Variants in MCTP1 observed in about 807,000 individuals in gnomAD.
The protein encoded by MCTP1 is multiple C2 and transmembrane domain-containing protein 1.
A neutral mutation model predicts 120.6 loss-of-function variants in MCTP1; 69 were observed. That is an observed-to-expected ratio of 0.57 (90% CI 0.47 to 0.70). The LOEUF (loss-of-function observed/expected upper bound fraction) is 0.70. MCTP1 is among the 30% of genes least tolerant of loss of function. The probability of loss-of-function intolerance (pLI) is 0.00; values close to 1 mark genes in which losing one functional copy is unlikely to be tolerated. For missense variants in MCTP1, 1,203 were observed against 1,248.8 expected (o/e 0.96, Z 0.55); for synonymous variants, 529 against 493.1 (o/e 1.07, Z -0.96).
At chr5:94,971,720 G>A (rs1561948392) in intron 2 of MCTP1, among the ~76,000 whole-genome samples, 1 of 152,148 alleles carries the variant, frequency 6.6e-6, no homozygotes, top group South Asian at 2.1e-4. Flanking sequence ...GGTCGAAGGA[G>A]ACTTGAGTTC....
Position 94,945,093 on chromosome 5 carries a change from A to G in MCTP1, c.982-2666T>C, listed in dbSNP as rs113370000. Among the ~76,000 whole-genome samples the G allele has an allele frequency of 1.7e-4, 26 of 152,288 alleles. 3 individuals carry two copies. Among genetic ancestry groups the G allele is most frequent in the African/African-American group, 6.0e-4 (25 of 41,572 alleles). On this transcript the variant is annotated intron_variant, in intron 3 of 22. Transcript: ENST00000515393. Reference sequence around the variant, plus strand: ...TTCAAATCTTGTTGTATTGAGTGTCATAAACAGAGTGTGTTTAAATTTCAC... The same window carrying G: ...TTCAAATCTTGTTGTATTGAGTGTCGTAAACAGAGTGTGTTTAAATTTCAC...
At chr5:94,716,754 G>T (rs1212901736) in intron 19 of MCTP1, among the ~76,000 whole-genome samples, 7 of 145,408 alleles carry the variant, frequency 4.8e-5, no homozygotes, top group East Asian at 4.0e-4. Context: ...TATATAAAAA[G>T]TTTTTTTTTT....
In MCTP1 at chr5:94,894,685, C is replaced by T. The variant is rs1803481831; in HGVS notation, c.1803G>A (p.Glu601=). The T allele has an allele frequency of 6.2e-7, 1 of 1,611,886 alleles. No individual in the cohort carries two copies. Among genetic ancestry groups the T allele is most frequent in the Non-Finnish European group, 8.5e-7 (1 of 1,178,268 alleles). ...ATATCTCCTCTCGTTCCTTCTGGTC[C>T]TCCAGGGAGTTGACAGACAGGTCAG... ...SISDLSVNSL[E]DQKEREEILK... Residue 601 remains glutamate, a synonymous_variant, in exon 11 of 23, where the codon GAG becomes GAA. Transcript: ENST00000515393.
intron 12 of MCTP1, among the ~76,000 whole-genome samples, chr5:94,888,559 C>G (rs578231144): frequency 2.6e-5 from 4 of 152,296 alleles, no homozygotes; most frequent in Non-Finnish European, 5.9e-5. Flanking sequence ...GAAGCTGATT[C>G]TGTAAAGCAT....
chr5:94,969,135 C>T (rs1433872286), intron 2 of MCTP1, among the ~76,000 whole-genome samples: 7 of 152,012 alleles, frequency 4.6e-5, no homozygotes, highest in East Asian at 1.9e-4. Context: ...AGGAATTGGA[C>T]GGTTTCTATA....
rs1283253904 is a variant in MCTP1 at position 94,704,994 on chromosome 5, G to A, written c.*2502C>T. 1.3e-5 allele frequency: 2 copies of A among 151,074 alleles called. No individual in the cohort carries two copies. The highest frequency in any genetic ancestry group is 1.3e-4 in the Admixed American group (2 of 15,080). The allele number at this position is 151,074 out of a possible 1,614,324, so 9.4% of individuals were successfully genotyped here. ...CGCATTTCTTATGAATTATCACAAC[G>A]AATGTCAGTAATAGTTTATGAATAT... On this transcript the variant is annotated 3_prime_UTR_variant, in exon 23 of 23. Transcript: ENST00000515393.
At chr5:94,739,780 T>A (rs1765103485) in intron 19 of MCTP1, among the ~76,000 whole-genome samples, 1 of 152,198 alleles carries the variant, frequency 6.6e-6, no homozygotes, top group Non-Finnish European at 1.5e-5. Context: ...TTTTCCTGCC[T>A]CACCACTCTC....
intron 1 of MCTP1, among the ~76,000 whole-genome samples, chr5:95,211,583 C>A (rs955167261): frequency 6.6e-6 from 1 of 152,094 alleles, no homozygotes; most frequent in Non-Finnish European, 1.5e-5. Context: ...CGTCTAAATT[C>A]TTTTCAAAGT....
intron 1 of MCTP1, among the ~76,000 whole-genome samples, chr5:95,156,151 G>A (rs1450706918): frequency 1.3e-5 from 2 of 152,168 alleles, no homozygotes; most frequent in African/African-American, 4.8e-5. Context: ...CTACAGTGTG[G>A]TGGACACTTT....
chr5:94,790,801 G>C (rs1190355657), intron 18 of MCTP1, among the ~76,000 whole-genome samples: 1 of 152,090 alleles, frequency 6.6e-6, no homozygotes, highest in Non-Finnish European at 1.5e-5. Context: ...TGGTTACCCA[G>C]GCACAGCTGT....
Position 95,234,859 on chromosome 5 carries a change from C to A in MCTP1, c.720+48997G>T, listed in dbSNP as rs1284252148. On this transcript the variant is annotated intron_variant, in intron 1 of 22. Coordinates refer to ENST00000515393, the MANE Select transcript of MCTP1 (RefSeq NM_024717.7). ...GAATTTGCAAAAAAACTGTCCCACA[C>A]AAAAAAATTCAAGGCCCAAATAGCT... Among the ~76,000 whole-genome samples the A allele has an allele frequency of 3.9e-5, 6 of 152,018 alleles. No individual in the cohort carries two copies. In the South Asian group the frequency reaches 1.0e-3, roughly 26 times the overall value.
intron 1 of MCTP1, among the ~76,000 whole-genome samples, chr5:95,204,638 C>T (rs563400312): frequency 6.6e-6 from 1 of 152,198 alleles, no homozygotes; most frequent in South Asian, 2.1e-4. Flanking sequence ...AAGGAATCCA[C>T]TACAAAACTA....
At chr5:94,770,571 A>G (rs1274589825) in intron 19 of MCTP1, among the ~76,000 whole-genome samples, 4 of 152,186 alleles carry the variant, frequency 2.6e-5, no homozygotes, top group African/African-American at 9.7e-5. Flanking sequence ...TTTTAGCCCA[A>G]CTGCCACTTT....
At chr5:94,725,298 T>G (rs1296791660) in intron 19 of MCTP1, among the ~76,000 whole-genome samples, 1 of 152,236 alleles carries the variant, frequency 6.6e-6, no homozygotes, top group East Asian at 1.9e-4. Flanking sequence ...GTCTCTGCCC[T>G]TCAGAGTCCA....
intron 17 of MCTP1, among the ~76,000 whole-genome samples, chr5:94,818,133 C>G (rs538960825): frequency 6.6e-6 from 1 of 152,214 alleles, no homozygotes; most frequent in African/African-American, 2.4e-5. Context: ...TGGCCACTTA[C>G]GGGAAATCCT....
At chr5:94,818,103 G>A (rs181710586) in intron 17 of MCTP1, among the ~76,000 whole-genome samples, 16 of 152,262 alleles carry the variant, frequency 1.1e-4, no homozygotes, top group African/African-American at 3.6e-4. Flanking sequence ...GCTAGAAGAA[G>A]GTAAACCTGA....
intron 2 of MCTP1, among the ~76,000 whole-genome samples, chr5:94,966,832 G>A (rs1825735728): frequency 6.6e-6 from 1 of 151,638 alleles, no homozygotes; most frequent in African/African-American, 2.4e-5. Context: ...ATGTGGCAGG[G>A]CCCAAACTCA....
chr5:95,237,649 G>C (rs1755699932), intron 1 of MCTP1, among the ~76,000 whole-genome samples: 1 of 152,290 alleles, frequency 6.6e-6, no homozygotes, highest in African/African-American at 2.4e-5. Flanking sequence ...GAACACAAGA[G>C]AGGAAAATAA....
At chr5:95,165,419 T>C (rs1186826334) in intron 1 of MCTP1, among the ~76,000 whole-genome samples, 2 of 152,198 alleles carry the variant, frequency 1.3e-5, no homozygotes, top group African/African-American at 4.8e-5. Flanking sequence ...ACCTAGTTGA[T>C]GGTTTTGTGT....
Sources: allele counts gnomAD v4.1 joint callset (sites outside exome capture counted in the v4.1 genomes callset), GRCh38; gene constraint gnomAD v4.1.1; transcripts MANE v1.5; gene names NCBI Gene and HGNC (gene_info 2026-07-23, HGNC 2026-07-21).